Variants in KAT6A observed in about 807,000 individuals in gnomAD.
KAT6A encodes histone acetyltransferase KAT6A.
KAT6A carries 9 observed loss-of-function variants against 198.4 expected under a neutral mutation model. That is an observed-to-expected ratio of 0.05 (90% CI 0.03 to 0.08). The LOEUF is 0.08. Among genes scored for constraint, KAT6A ranks in the 10% least tolerant of loss-of-function variants. The pLI, the probability that KAT6A is intolerant of heterozygous loss-of-function variation, is 1.00. For missense variants in KAT6A, 2,077 were observed against 2,509.9 expected (o/e 0.83, Z 3.69); for synonymous variants, 890 against 883.0 (o/e 1.01, Z -0.14).
chr8:41,989,284 G>A (rs374172921), intron 2 of KAT6A, among the ~76,000 whole-genome samples: 3 of 152,060 alleles, frequency 2.0e-5, no homozygotes, highest in African/African-American at 4.8e-5. Flanking sequence ...CGAGGCGGGC[G>A]GATCACCTGA....
intron 13 of KAT6A, among the ~76,000 whole-genome samples, chr8:41,943,323 A>C (rs567231264): frequency 6.6e-6 from 1 of 152,142 alleles, no homozygotes; most frequent in South Asian, 2.1e-4. Flanking sequence ...TTTCTTTGTG[A>C]CCTTTTTCTG....
chr8:42,050,659 G>A lies in KAT6A; in HGVS notation c.-326+1242C>T, dbSNP rs80326864. On this transcript the variant is annotated intron_variant, in intron 1 of 16. Transcript: ENST00000265713. Reference sequence around the variant, plus strand: ...TGCTTCAATTTGGTGAGGGTCTCAAGAGGATAGAAATCAGAGTATCATTAC... The same window carrying A: ...TGCTTCAATTTGGTGAGGGTCTCAAAAGGATAGAAATCAGAGTATCATTAC... Among the ~76,000 whole-genome samples, 949 of 152,308 alleles carry A rather than the reference G, an allele frequency of 6.2e-3. 11 individuals carry two copies. The highest frequency in any genetic ancestry group is 0.022 in the African/African-American group (909 of 41,564).
Position 41,974,700 on chromosome 8 carries a change from T to C in KAT6A, c.1482+4A>G. 1 of 1,560,518 alleles carries C rather than the reference T, an allele frequency of 6.4e-7. No homozygotes were observed. Among genetic ancestry groups the C allele is most frequent in the Non-Finnish European group, 8.8e-7 (1 of 1,135,244 alleles). ...GATTGTCTAACCTGAATATCCAACT[T>C]TACCTGCAGTGCTTGTTCTTGGATA... On this transcript the variant is annotated splice_donor_region_variant and intron_variant, in intron 8 of 16. Coordinates refer to ENST00000265713, the MANE Select transcript of KAT6A (RefSeq NM_006766.5).
At chr8:41,971,675 G>A (rs930078127) in intron 8 of KAT6A, among the ~76,000 whole-genome samples, 1 of 151,782 alleles carries the variant, frequency 6.6e-6, no homozygotes, top group Non-Finnish European at 1.5e-5. Context: ...GCAAGGAAGT[G>A]GTATAATCCA....
intron 6 of KAT6A, 82 bp from the exon 7 acceptor site, chr8:41,977,409 T>G: frequency 1.2e-6 from 1 of 833,266 alleles, no homozygotes. Flanking sequence ...ATATAATTAG[T>G]AAGTAACCTA....
intron 2 of KAT6A, among the ~76,000 whole-genome samples, chr8:42,008,144 A>C (rs903501282): frequency 3.3e-5 from 5 of 151,648 alleles, no homozygotes; most frequent in Admixed American, 6.6e-5. Flanking sequence ...TTAACCCCCC[A>C]AAAAAAACCC....
At chr8:41,981,783 G>T in intron 4 of KAT6A, 56 bp downstream of exon 4, 1 of 1,041,536 alleles carries the variant, frequency 9.6e-7, no homozygotes, top group East Asian at 2.4e-5. Flanking sequence ...TGAAAATGCT[G>T]GTCGTACATT....
chr8:42,029,880 T>C (rs1038225220), intron 2 of KAT6A, among the ~76,000 whole-genome samples: 9 of 152,232 alleles, frequency 5.9e-5, no homozygotes, highest in Non-Finnish European at 8.8e-5. Flanking sequence ...TTTCTTTACA[T>C]TGTGTACCCT....
chr8:41,958,661 T>C (rs2150873425), intron 8 of KAT6A, among the ~76,000 whole-genome samples: 1 of 152,352 alleles, frequency 6.6e-6, no homozygotes, highest in East Asian at 1.9e-4. Flanking sequence ...TATTAGTACA[T>C]ATATGTGTAT....
At chr8:42,047,670 C>A (rs915086298) in intron 2 of KAT6A, among the ~76,000 whole-genome samples, 1 of 152,146 alleles carries the variant, frequency 6.6e-6, no homozygotes, top group African/African-American at 2.4e-5. Flanking sequence ...CCCAGCCTCC[C>A]AAAGCGCTGG....
At chr8:41,960,334 C>T in intron 8 of KAT6A, among the ~76,000 whole-genome samples, 1 of 152,028 alleles carries the variant, frequency 6.6e-6, no homozygotes. Context: ...AATCCCAGCA[C>T]TTTGGGAGGC....
intron 15 of KAT6A, 71 bp downstream of exon 15, chr8:41,940,771 T>C (rs1383682299): frequency 2.6e-6 from 4 of 1,523,146 alleles, no homozygotes; most frequent in Non-Finnish European, 2.6e-6. Flanking sequence ...TTCAGAACTG[T>C]AAGCTAAAAC....
intron 8 of KAT6A, 58 bp downstream of exon 8, chr8:41,974,646 G>T: frequency 4.0e-6 from 4 of 988,876 alleles, no homozygotes; most frequent in Non-Finnish European, 4.7e-6. Flanking sequence ...TAATTAATCT[G>T]CTGTTTCTCA....
intron 2 of KAT6A, among the ~76,000 whole-genome samples, chr8:42,033,094 C>T (rs1039740957): frequency 6.6e-6 from 1 of 151,766 alleles, no homozygotes; most frequent in East Asian, 1.9e-4. Context: ...AGGGTGGTCT[C>T]GAACTCCTGA....
chr8:41,942,284 A>C (rs1333444353), intron 14 of KAT6A: 2 of 228,586 alleles, frequency 8.7e-6, no homozygotes, highest in Non-Finnish European at 1.7e-5. Context: ...TATTCTATTT[A>C]AGGAAAATGT....
At chr8:42,035,359 T>C (rs1314716113) in intron 2 of KAT6A, among the ~76,000 whole-genome samples, 2 of 152,152 alleles carry the variant, frequency 1.3e-5, no homozygotes, top group Non-Finnish European at 2.9e-5. Context: ...CATAAAATAC[T>C]ACACAATGGA....
At chr8:42,002,428 G>A (rs1162549369) in intron 2 of KAT6A, among the ~76,000 whole-genome samples, 1 of 152,164 alleles carries the variant, frequency 6.6e-6, no homozygotes, top group Non-Finnish European at 1.5e-5. Context: ...AAGCATGGTG[G>A]TGTGTGCCTG....
chr8:42,038,094 AT>A (rs1827467535), intron 2 of KAT6A, among the ~76,000 whole-genome samples: 1 of 152,226 alleles, frequency 6.6e-6, no homozygotes, highest in African/African-American at 2.4e-5. Flanking sequence ...GTACCTTGCT[AT>A]CTCTAGCTCA....
intron 3 of KAT6A, among the ~76,000 whole-genome samples, chr8:41,986,239 G>A (rs917679617): frequency 5.3e-5 from 8 of 152,204 alleles, no homozygotes; most frequent in Middle Eastern, 6.8e-3. Context: ...GCGCCTGGCC[G>A]ATCTTGTGAG....
Sources: allele counts gnomAD v4.1 joint callset (sites outside exome capture counted in the v4.1 genomes callset), GRCh38; gene constraint gnomAD v4.1.1; transcripts MANE v1.5; gene names NCBI Gene and HGNC (gene_info 2026-07-23, HGNC 2026-07-21).